The following TM9SF3 variants were observed in gnomAD, a reference collection of about 807,000 sequenced individuals.
The protein encoded by TM9SF3 is SM-11044-binding protein.
Under a neutral mutation model 78.6 loss-of-function variants are expected in TM9SF3, and 14 were observed. The observed-to-expected ratio is 0.18, with a 90% CI of 0.12 to 0.28. The LOEUF is 0.28. Ranked by LOEUF, TM9SF3 falls within the 10% of genes least tolerant of loss-of-function variation. The pLI, the probability that TM9SF3 is intolerant of heterozygous loss-of-function variation, is 1.00. For missense variants in TM9SF3, 496 were observed against 721.9 expected, an observed-to-expected ratio of 0.69 and a Z score of 3.59; for synonymous variants, 231 against 241.7, an observed-to-expected ratio of 0.96 and a Z score of 0.41.
intron 9 of TM9SF3, among the ~76,000 whole-genome samples, chr10:96,535,958 TATATC>T (rs1166361572): frequency 6.6e-6 from 1 of 152,124 alleles, no homozygotes; most frequent in African/African-American, 2.4e-5. Flanking sequence ...AAACAAATAA[TATATC>T]ATGACAAAGT....
At chr10:96,571,555 A>T (rs1249535654) in intron 2 of TM9SF3, among the ~76,000 whole-genome samples, 2 of 152,016 alleles carry the variant, frequency 1.3e-5, no homozygotes, top group Non-Finnish European at 2.9e-5. Flanking sequence ...TTCCCCAGGC[A>T]GATATCTGGA....
At chr10:96,578,492 G>C (rs1417857703) in intron 1 of TM9SF3, among the ~76,000 whole-genome samples, 5 of 152,210 alleles carry the variant, frequency 3.3e-5, no homozygotes, top group African/African-American at 1.2e-4. Flanking sequence ...ATCATAAGCT[G>C]TTTCAAGGGA....
In TM9SF3 at chr10:96,538,170, T is replaced by C. The variant is rs112494176; in HGVS notation, c.1186-4980A>G. Among the ~76,000 whole-genome samples, 195 of 152,128 alleles carry C rather than the reference T, an allele frequency of 1.3e-3. 2 individuals carry two copies. The highest frequency in any genetic ancestry group is 1.8e-3 in the Non-Finnish European group (123 of 67,982). On this transcript the variant is annotated intron_variant, in intron 9 of 14. Coordinates refer to ENST00000371142, the MANE Select transcript of TM9SF3 (RefSeq NM_020123.4). ...GTATTAGCATTAAAAACAAGACAAA[T>C]TGAAATAGAACAAATCAAAATGAAA...
intron 9 of TM9SF3, among the ~76,000 whole-genome samples, chr10:96,533,624 G>A (rs1847921692): frequency 6.6e-6 from 1 of 152,136 alleles, no homozygotes; most frequent in African/African-American, 2.4e-5. Flanking sequence ...AAGGAAAGGA[G>A]ACTCAGAGAA....
At chr10:96,538,571 A>G (rs1269282708) in intron 9 of TM9SF3, among the ~76,000 whole-genome samples, 1 of 152,188 alleles carries the variant, frequency 6.6e-6, no homozygotes, top group African/African-American at 2.4e-5. Flanking sequence ...GCCCTTCAAA[A>G]AATACTCTTT....
At chr10:96,537,755 C>T (rs1045268227) in intron 9 of TM9SF3, among the ~76,000 whole-genome samples, 4 of 152,056 alleles carry the variant, frequency 2.6e-5, no homozygotes, top group African/African-American at 9.7e-5. Flanking sequence ...TCGCTTGAAC[C>T]CGGGAGATGG....
chr10:96,550,149 A>C (rs1657877199), intron 7 of TM9SF3, among the ~76,000 whole-genome samples: 1 of 152,216 alleles, frequency 6.6e-6, no homozygotes, highest in African/African-American at 2.4e-5. Flanking sequence ...GGTTATATTA[A>C]AGAAATACAA....
At chr10:96,542,102 A>C (rs577879756) in intron 9 of TM9SF3, among the ~76,000 whole-genome samples, 33 of 152,262 alleles carry the variant, frequency 2.2e-4, no homozygotes, top group Non-Finnish European at 4.6e-4. Context: ...CAGAATGTCA[A>C]GAAGTCAAAC....
intron 2 of TM9SF3, among the ~76,000 whole-genome samples, chr10:96,569,445 C>T (rs1047984198): frequency 2.6e-5 from 4 of 152,100 alleles, no homozygotes; most frequent in African/African-American, 9.7e-5. Flanking sequence ...TAGAGGAAAA[C>T]AAGAACTGGA....
chr10:96,539,128 A>G (rs1194719988), intron 9 of TM9SF3, among the ~76,000 whole-genome samples: 2 of 152,204 alleles, frequency 1.3e-5, no homozygotes, highest in Admixed American at 1.3e-4. Flanking sequence ...TTATGGTATA[A>G]CCATGCAATT....
intron 2 of TM9SF3, among the ~76,000 whole-genome samples, chr10:96,569,538 T>C (rs1263632614): frequency 6.6e-6 from 1 of 152,190 alleles, no homozygotes; most frequent in Non-Finnish European, 1.5e-5. Context: ...GTATAAACAG[T>C]GTAATTTTTT....
intron 1 of TM9SF3, among the ~76,000 whole-genome samples, chr10:96,582,076 G>T (rs1367174638): frequency 1.3e-5 from 2 of 151,780 alleles, no homozygotes; most frequent in Non-Finnish European, 2.9e-5. Flanking sequence ...TACTATTTGT[G>T]CCAAGCACAG....
In TM9SF3 at chr10:96,520,182, A is replaced by G. The variant is rs552682174; in HGVS notation, c.*2081T>C. 6.6e-6 allele frequency: 1 copy of G among 151,944 alleles called. No individual in the cohort carries two copies. The highest frequency in any genetic ancestry group is 2.4e-5 in the African/African-American group (1 of 41,430). 9.4% of individuals were successfully genotyped at this position (151,944 alleles called of 1,614,324 possible). ...GAAAGAAACCAAAAAAGTACTTTAT[A>G]TATAGTTAAAAGGTTACATAATATA... On this transcript the variant is annotated 3_prime_UTR_variant, in exon 15 of 15. Transcript: ENST00000371142.
At chr10:96,546,611 C>T (rs920902671) in intron 8 of TM9SF3, among the ~76,000 whole-genome samples, 1 of 152,016 alleles carries the variant, frequency 6.6e-6, no homozygotes, top group South Asian at 2.1e-4. Context: ...CCCACACCTG[C>T]GAGTCGAATT....
At chr10:96,549,816 TTA>T (rs1564933016) in intron 7 of TM9SF3, among the ~76,000 whole-genome samples, 4 of 121,800 alleles carry the variant, frequency 3.3e-5, no homozygotes, top group Non-Finnish European at 3.4e-5. Flanking sequence ...CTTCTGCATT[TTA>T]AAAAAAAAAA....
chr10:96,568,023 T>C (rs1848398742), intron 2 of TM9SF3, among the ~76,000 whole-genome samples: 1 of 152,224 alleles, frequency 6.6e-6, no homozygotes, highest in Non-Finnish European at 1.5e-5. Context: ...CTTTAACTCA[T>C]GTAAAGTCTA....
chr10:96,555,716 G>T (rs953179847), intron 5 of TM9SF3, among the ~76,000 whole-genome samples: 2 of 152,090 alleles, frequency 1.3e-5, no homozygotes, highest in African/African-American at 4.8e-5. Context: ...AAGGAACCAA[G>T]AAATGCATTG....
In TM9SF3 at chr10:96,544,062, T is replaced by C; in HGVS notation, c.1185+14A>G. ...ATACTTTTTCAGTTTAAAAGTAAGA[T>C]TCAAGCAACTCACCATTGTTCCAAA... On this transcript the variant is annotated intron_variant, in intron 9 of 14. Transcript: ENST00000371142. 1 of 1,599,472 alleles carries C rather than the reference T, an allele frequency of 6.3e-7. No homozygotes were observed. The highest frequency in any genetic ancestry group is 2.2e-5 in the East Asian group (1 of 44,708).
intron 9 of TM9SF3, among the ~76,000 whole-genome samples, chr10:96,535,950 A>C (rs1195968694): frequency 6.6e-6 from 1 of 152,238 alleles, no homozygotes; most frequent in Non-Finnish European, 1.5e-5. Flanking sequence ...CATATATAAA[A>C]CAAATAATAT....
Sources: allele counts gnomAD v4.1 joint callset (sites outside exome capture counted in the v4.1 genomes callset), GRCh38; gene constraint gnomAD v4.1.1; transcripts MANE v1.5; gene names NCBI Gene and HGNC (gene_info 2026-07-23, HGNC 2026-07-21).